TGM2: variants seen among roughly 807,000 people sequenced by gnomAD.
TGM2 encodes protein-glutamine gamma-glutamyltransferase 2.
In TGM2, 53 loss-of-function variants were observed where a neutral mutation model predicts 75.6. The ratio of observed to expected loss-of-function variants is 0.70; its 90% CI spans 0.56 to 0.88. The LOEUF (loss-of-function observed/expected upper bound fraction) is 0.88, where lower values mean the gene tolerates loss of function less well. Among genes scored for constraint, TGM2 ranks in the 40% least tolerant of loss-of-function variants. The pLI is 0.00. For synonymous variants in TGM2, 374 were observed against 381.1 expected (o/e 0.98, Z 0.22); for missense variants, 842 against 928.5 (o/e 0.91, Z 1.21).
chr20:38,150,225 C>G (rs901735122), intron 4 of TGM2, among the ~76,000 whole-genome samples: 1 of 152,202 alleles, frequency 6.6e-6, no homozygotes, highest in East Asian at 1.9e-4. Flanking sequence ...TGAGAAACCA[C>G]GTGAAACAGA....
At chr20:38,161,327 G>A in intron 2 of TGM2, 93 bp downstream of exon 2, 1 of 1,493,378 alleles carries the variant, frequency 6.7e-7, no homozygotes, top group Non-Finnish European at 9.2e-7. Flanking sequence ...AAAGTTATTT[G>A]TCCTGTTCTC....
At chr20:38,133,400 G>A (rs985286515) in intron 10 of TGM2, 1 of 158,034 alleles carries the variant, frequency 6.3e-6, no homozygotes, top group Admixed American at 5.9e-5. Context: ...CTGGGCAGAG[G>A]TAAGACCAAG....
chr20:38,132,920 CTGGGGAGGATCAGAGCCGACATCTGCT>C, intron 10 of TGM2: 1 of 451,446 alleles, frequency 2.2e-6, no homozygotes, highest in South Asian at 1.6e-5. Context: ...GCCCTTCATC[CTGGGGAGGATCAGAGCCGACATCTGCT>C]TGCTGCACCA....
intron 5 of TGM2, among the ~76,000 whole-genome samples, chr20:38,147,218 G>A (rs903847111): frequency 2.0e-5 from 3 of 152,018 alleles, no homozygotes; most frequent in African/African-American, 7.3e-5. Context: ...ACAAAGACCC[G>A]CTTGGGCCCC....
At chr20:38,135,157 G>T (rs561772032) in intron 10 of TGM2, among the ~76,000 whole-genome samples, 1 of 152,334 alleles carries the variant, frequency 6.6e-6, no homozygotes, top group South Asian at 2.1e-4. Context: ...TGACTTAGAG[G>T]TGAGGGCTGA....
At chr20:38,141,651 C>G (rs2074976595) in intron 7 of TGM2, among the ~76,000 whole-genome samples, 1 of 152,008 alleles carries the variant, frequency 6.6e-6, no homozygotes, top group South Asian at 2.1e-4. Context: ...CCTTTGACCT[C>G]CTAATTTCTT....
At chr20:38,161,382 G>A (rs1406921476) in intron 2 of TGM2, 38 bp downstream of exon 2, 12 of 1,608,338 alleles carry the variant, frequency 7.5e-6, no homozygotes, top group South Asian at 6.6e-5. Context: ...AAGTGGTGGT[G>A]GTGGTGGTGG....
chr20:38,157,253 C>G (rs1415981035), intron 2 of TGM2, among the ~76,000 whole-genome samples: 1 of 152,212 alleles, frequency 6.6e-6, no homozygotes, highest in Non-Finnish European at 1.5e-5. Context: ...CAGCCCCACC[C>G]ACACCCAGCT....
intron 3 of TGM2, 91 bp from the exon 4 acceptor site, chr20:38,151,148 C>T: frequency 1.1e-6 from 1 of 902,782 alleles, no homozygotes; most frequent in Non-Finnish European, 1.9e-6. Flanking sequence ...ATTCCCTAGG[C>T]CAAGCCAGCG....
Position 38,129,875 on chromosome 20 carries a change from G to T in TGM2, c.*344C>A. ...TTTGCCTGCTCCAAGGAGCTATGAA[G>T]TAGATCAAACAATATGGTGGGTGGT... On this transcript the variant is annotated 3_prime_UTR_variant, in exon 13 of 13. Transcript: ENST00000361475. 3.1e-6 allele frequency: 1 copy of T among 325,138 alleles called. No homozygotes were observed. Among genetic ancestry groups the T allele is most frequent in the Non-Finnish European group, 5.9e-6 (1 of 170,052 alleles). 20.1% of individuals were successfully genotyped at this position (325,138 alleles called of 1,614,324 possible). A position where few individuals can be genotyped will look rare whatever the true frequency, so the allele number is the denominator to read the frequency against.
chr20:38,166,143 C>A (rs1332912061), upstream of TGM2, among the ~76,000 whole-genome samples: 1 of 131,592 alleles, frequency 7.6e-6, no homozygotes, highest in Non-Finnish European at 1.8e-5. Context: ...CAGACACACC[C>A]ATGTCCCTTC....
chr20:38,146,877 G>A lies in TGM2; in HGVS notation c.699C>T (p.Asp233=). The A allele has an allele frequency of 6.2e-7, 1 of 1,613,462 alleles. No homozygotes were observed. Among genetic ancestry groups the A allele is most frequent in the Non-Finnish European group, 8.5e-7 (1 of 1,180,026 alleles). Residue 233 remains aspartate, a synonymous_variant, in exon 6 of 13, where the codon GAC becomes GAT. Transcript: ENST00000361475. ...CCCAGCGTCCCAGCAGCACACCCTGGTCATCGTTGCAGTTGACCTGCAACC... is the reference window on the plus strand; with the variant it reads ...CCCAGCGTCCCAGCAGCACACCCTGATCATCGTTGCAGTTGACCTGCAACC... The part of the protein sequence containing the change: ...VVSGMVNCND[D]QGVLLGRWDN...
chr20:38,153,382 C>T (rs992433576), intron 3 of TGM2, among the ~76,000 whole-genome samples: 6 of 151,678 alleles, frequency 4.0e-5, no homozygotes, highest in African/African-American at 1.2e-4. Context: ...AAAATTAGCC[C>T]GGCGTGGTGG....
chr20:38,147,482 C>T (rs983258085), intron 5 of TGM2, among the ~76,000 whole-genome samples: 1 of 152,170 alleles, frequency 6.6e-6, no homozygotes, highest in African/African-American at 2.4e-5. Context: ...CTCCTGGGTA[C>T]CACCTTAGGG....
At chr20:38,153,268 T>G (rs1036845321) in intron 3 of TGM2, among the ~76,000 whole-genome samples, 4 of 152,140 alleles carry the variant, frequency 2.6e-5, no homozygotes, top group Non-Finnish European at 5.9e-5. Context: ...CTCACGCCTG[T>G]AATCCTAGCA....
rs751214792 is a variant in TGM2, at chr20:38,142,167, C to T, written c.892G>A (p.Val298Met). The T allele has an allele frequency of 1.1e-5, 18 of 1,614,056 alleles. No homozygotes were observed. The highest frequency in any genetic ancestry group is 1.7e-5 in the Admixed American group (1 of 60,012). Residue 298 changes from valine (V) to methionine (M), a missense_variant, in exon 7 of 13, where the codon GTG becomes ATG. Coordinates refer to ENST00000361475, the MANE Select transcript of TGM2 (RefSeq NM_004613.4). ...TCATGGGCCGAGTTGTAGTTGGTCA[C>T]GACGCGGGTAGGGATGCCCAGGCAC... ...LRCLGIPTRV[V>M]TNYNSAHDQN...
rs73905561 is a variant in TGM2 at position 38,161,679 on chromosome 20, G to T, written c.11-80C>A. On this transcript the variant is annotated intron_variant, in intron 1 of 12. Transcript: ENST00000361475. Reference sequence around the variant, plus strand: ...TGATGCACCTGCCCTCCCTAGACATGGGGGCCTTGTGCCCTCTTACTCCCC... The same window carrying T: ...TGATGCACCTGCCCTCCCTAGACATTGGGGCCTTGTGCCCTCTTACTCCCC... 307 of 1,537,116 alleles carry T rather than the reference G, an allele frequency of 2.0e-4. No individual in the cohort carries two copies. In the African/African-American group the frequency reaches 3.9e-3, roughly 20 times the overall value.
chr20:38,160,770 G>A (rs572678507), intron 2 of TGM2, among the ~76,000 whole-genome samples: 16 of 152,348 alleles, frequency 1.1e-4, no homozygotes, highest in Non-Finnish European at 1.9e-4. Context: ...GCTGGGTTGC[G>A]TGGATTTCAG....
intron 9 of TGM2, 44 bp downstream of exon 9, chr20:38,139,367 GA>G (rs2074940507): frequency 6.2e-7 from 1 of 1,613,568 alleles, no homozygotes; most frequent in African/African-American, 1.3e-5. Context: ...GGGAAAACTG[GA>G]TGCTTATCTT....
Sources: allele counts gnomAD v4.1 joint callset (sites outside exome capture counted in the v4.1 genomes callset), GRCh38; gene constraint gnomAD v4.1.1; transcripts MANE v1.5; gene names NCBI Gene and HGNC (gene_info 2026-07-23, HGNC 2026-07-21).